ADGRL1: variants seen among roughly 807,000 people sequenced by gnomAD.
ADGRL1 encodes adhesion G protein-coupled receptor L1, also known as CIRL-1.
Under a neutral mutation model 148.9 loss-of-function variants are expected in ADGRL1, and 31 were observed. The observed-to-expected ratio is 0.21, with a 90% CI of 0.16 to 0.28. The LOEUF (loss-of-function observed/expected upper bound fraction) is 0.28. Among genes scored for constraint, ADGRL1 ranks in the 10% least tolerant of loss-of-function variants. ADGRL1 has a pLI of 1.00. For missense variants in ADGRL1, 1,521 were observed against 2,058.8 expected, an observed-to-expected ratio of 0.74 and a Z score of 5.05; for synonymous variants, 937 against 900.3, an observed-to-expected ratio of 1.04 and a Z score of -0.73.
chr19:14,162,165 AAAG>A lies in ADGRL1; in HGVS notation c.1195+438_1195+440del, dbSNP rs1969465091. Among the ~76,000 whole-genome samples the A allele has an allele frequency of 6.6e-6, 1 of 152,150 alleles. No individual in the cohort carries two copies. The highest frequency in any genetic ancestry group is 2.4e-5 in the African/African-American group (1 of 41,436). Reference sequence around the variant, plus strand: ...GCTAGCAGGGCAGCTAGGCGGGGCAAAAGAAGACTGCAGAGTTGCCCTCAGCCC... The same window carrying A: ...GCTAGCAGGGCAGCTAGGCGGGGCAAAAGACTGCAGAGTTGCCCTCAGCCC... On this transcript the variant is annotated intron_variant, in intron 5 of 22. Transcript: ENST00000361434. This position sits in a 1 kb window ranked among gnomAD's most constrained non-coding sequence, Gnocchi z 5.4.
chr19:14,200,737 G>C (rs1167907886), intron 1 of ADGRL1, among the ~76,000 whole-genome samples: 1 of 151,504 alleles, frequency 6.6e-6, no homozygotes, highest in Admixed American at 6.6e-5. Context: ...TCAGCCTCCC[G>C]GGTAGCTGGG....
rs1481678253 is a variant in ADGRL1, at chr19:14,155,189, G to A, written c.3294+170C>T. The A allele has an allele frequency of 2.9e-6, 2 of 690,994 alleles. No homozygotes were observed. Among genetic ancestry groups the A allele is most frequent in the Non-Finnish European group, 4.8e-6 (2 of 419,262 alleles). The allele number at this position is 690,994 out of a possible 1,614,324, so 42.8% of individuals were successfully genotyped here. A position where few individuals can be genotyped will look rare whatever the true frequency, so the allele number is the denominator to read the frequency against. On this transcript the variant is annotated intron_variant, in intron 18 of 22. Coordinates refer to ENST00000361434, the MANE Select transcript of ADGRL1 (RefSeq NM_014921.5). The surrounding 1 kb of genome is among the most constrained non-coding windows in gnomAD (Gnocchi z 5.0). ...CCGTGGTTAAACCCTCCCTAACCCTGAGCTCGTGCTCCCCTCCCGGTGGAC... is the reference window on the plus strand; with the variant it reads ...CCGTGGTTAAACCCTCCCTAACCCTAAGCTCGTGCTCCCCTCCCGGTGGAC...
rs576856623 is a variant in ADGRL1, at chr19:14,155,409, C to A, written c.3244G>T (p.Ala1082Ser). ...ACGAAGATGAAGACCCCCTGGAAGG[C>A]GTTGAAGGTGGTGAAGAGATAGGCC... is the stretch of plus-strand genomic sequence containing the variant. ...VMAYLFTTFN[A>S]FQGVFIFVFH... Residue 1082 changes from alanine to serine, a missense_variant, in exon 18 of 23, where the codon GCC (alanine) becomes TCC (serine). Transcript: ENST00000361434. This position sits in a 1 kb window ranked among gnomAD's most constrained non-coding sequence, Gnocchi z 5.0. The A allele has an allele frequency of 6.2e-7, 1 of 1,614,156 alleles. No homozygotes were observed.
rs1191169113 is a variant in ADGRL1 at position 14,151,099 on chromosome 19, C to T, written c.4184G>A (p.Ser1395Asn). 1 of 1,536,688 alleles carries T rather than the reference C, an allele frequency of 6.5e-7. No homozygotes were observed. Among genetic ancestry groups the T allele is most frequent in the Non-Finnish European group, 8.7e-7 (1 of 1,142,976 alleles). Reference sequence around the variant, plus strand: ...GGCCTCACTGGGCCCCTCAGGGCTGCTGTCCGGGTAGGAGGGTGAGTCCCG... The same window carrying T: ...GGCCTCACTGGGCCCCTCAGGGCTGTTGTCCGGGTAGGAGGGTGAGTCCCG... ...NLRDSPSYPD[S>N]SPEGPSEALP... Residue 1395 changes from serine to asparagine, a missense_variant, in exon 23 of 23, where the codon AGC becomes AAC. Physicochemically the swap from Ser to Asn is conservative, Grantham distance 46. Coordinates refer to ENST00000361434, the MANE Select transcript of ADGRL1 (RefSeq NM_014921.5).
At chr19:14,205,002 C>G (rs1972889903) in intron 1 of ADGRL1, among the ~76,000 whole-genome samples, 2 of 151,968 alleles carry the variant, frequency 1.3e-5, no homozygotes, top group South Asian at 2.1e-4. Context: ...GAGGTGTTGG[C>G]CAGGGATGGG....
rs767944528 is a variant in ADGRL1, at chr19:14,157,241, C to A, written c.2745+10G>T. The A allele has an allele frequency of 8.1e-6, 13 of 1,613,904 alleles. No homozygotes were observed. Among genetic ancestry groups the A allele is most frequent in the Non-Finnish European group, 3.4e-6 (4 of 1,180,016 alleles). On this transcript the variant is annotated intron_variant, in intron 14 of 22. Transcript: ENST00000361434. This position sits in a 1 kb window ranked among gnomAD's most constrained non-coding sequence, Gnocchi z 7.5. ...CGCTGGCCGTCACCTGCCCTAGAGT[C>A]CCAGCCCACCTCATACTGAGTCTTG...
At chr19:14,178,866 A>G (rs1970998651) in intron 2 of ADGRL1, among the ~76,000 whole-genome samples, 1 of 152,108 alleles carries the variant, frequency 6.6e-6, no homozygotes, top group East Asian at 1.9e-4. Flanking sequence ...GTGAAGACAC[A>G]GGAGCAGGCG....
intron 3 of ADGRL1, among the ~76,000 whole-genome samples, chr19:14,176,101 C>T (rs1970807100): frequency 6.6e-6 from 1 of 151,792 alleles, no homozygotes; most frequent in African/African-American, 2.4e-5. Flanking sequence ...CCTGTAGTCC[C>T]AGCACTTTGG....
intron 1 of ADGRL1, among the ~76,000 whole-genome samples, chr19:14,184,364 T>G (rs915301880): frequency 2.7e-5 from 4 of 150,790 alleles, no homozygotes; most frequent in African/African-American, 9.7e-5. Flanking sequence ...AATTGTGTGC[T>G]GTCCCCTGCC....
chr19:14,173,497 G>A (rs1459258697), intron 3 of ADGRL1, among the ~76,000 whole-genome samples: 1 of 152,182 alleles, frequency 6.6e-6, no homozygotes, highest in Non-Finnish European at 1.5e-5. Context: ...GGCATCCACT[G>A]GGGTTCTTGG....
rs1969171379 is a variant in ADGRL1 at position 14,159,943 on chromosome 19, G to A, written c.1800+169C>T. Among the ~76,000 whole-genome samples, 1 of 152,160 alleles carries A rather than the reference G, an allele frequency of 6.6e-6. No homozygotes were observed. Among genetic ancestry groups the A allele is most frequent in the South Asian group, 2.1e-4 (1 of 4,828 alleles). ...CCAACCCCCAGGACCATCCGGGGCA[G>A]CACAGGAGTGAGACCCGGCAGTCCT... is the stretch of plus-strand genomic sequence containing the variant. On this transcript the variant is annotated intron_variant, in intron 8 of 22. Coordinates refer to ENST00000361434, the MANE Select transcript of ADGRL1 (RefSeq NM_014921.5). This position sits in a 1 kb window ranked among gnomAD's most constrained non-coding sequence, Gnocchi z 6.0.
chr19:14,181,349 C>T (rs774661216), intron 2 of ADGRL1, among the ~76,000 whole-genome samples: 4 of 152,230 alleles, frequency 2.6e-5, no homozygotes, highest in Non-Finnish European at 5.9e-5. Context: ...ACTCGGCCTG[C>T]TGGATCAAAA....
At chr19:14,192,723 G>A (rs982044640) in intron 1 of ADGRL1, among the ~76,000 whole-genome samples, 13 of 151,888 alleles carry the variant, frequency 8.6e-5, no homozygotes, top group Non-Finnish European at 1.8e-4. Flanking sequence ...GCTAATTTTC[G>A]TATTTTTAGT....
At position 14,163,471 on chromosome 19, in the gene ADGRL1, A is replaced by G. The variant is rs1289977490; in HGVS notation, c.395-65T>C. On this transcript the variant is annotated intron_variant, in intron 4 of 22. Coordinates refer to ENST00000361434, the MANE Select transcript of ADGRL1 (RefSeq NM_014921.5). ...GGGGCAGAGGCGAGAGGGAGGAGAG[A>G]GAGAGAGAGAGAGAGAGAGAGAGAG... 144 of 672,918 alleles carry G rather than the reference A, an allele frequency of 2.1e-4. 1 individual carries two copies. Among genetic ancestry groups the G allele is most frequent in the Non-Finnish European group, 2.8e-4 (130 of 463,234 alleles). 41.7% of individuals were successfully genotyped at this position (672,918 alleles called of 1,614,324 possible).
In ADGRL1 at chr19:14,162,502, A is replaced by C; in HGVS notation, c.1195+104T>G. The C allele has an allele frequency of 1.0e-6, 1 of 996,430 alleles. No homozygotes were observed. The highest frequency in any genetic ancestry group is 1.5e-5 in the South Asian group (1 of 65,462). The allele number at this position is 996,430 out of a possible 1,614,324, so 61.7% of individuals were successfully genotyped here. ...GAATTTCCTTTACCTCCCGATCCCC[A>C]AGAGCTCACAGGATGGGGCTCCCCA... On this transcript the variant is annotated intron_variant, in intron 5 of 22. Transcript: ENST00000361434. This position sits in a 1 kb window ranked among gnomAD's most constrained non-coding sequence, Gnocchi z 5.4.
chr19:14,203,441 G>C (rs1972749455), intron 1 of ADGRL1, among the ~76,000 whole-genome samples: 1 of 152,118 alleles, frequency 6.6e-6, no homozygotes, highest in South Asian at 2.1e-4. Flanking sequence ...TGGGGCTGAA[G>C]CAACACATGC....
At chr19:14,195,295 G>A (rs1164000096) in intron 1 of ADGRL1, among the ~76,000 whole-genome samples, 1 of 152,156 alleles carries the variant, frequency 6.6e-6, no homozygotes, top group Non-Finnish European at 1.5e-5. Context: ...GTGCGGCAGG[G>A]TGGGCCACTG....
intron 1 of ADGRL1, among the ~76,000 whole-genome samples, chr19:14,197,909 G>C (rs1336485267): frequency 6.6e-6 from 1 of 152,164 alleles, no homozygotes; most frequent in East Asian, 1.9e-4. Context: ...TTCCCAACTG[G>C]TCACAAGTGC....
intron 3 of ADGRL1, chr19:14,171,054 C>G: frequency 2.5e-6 from 1 of 395,810 alleles, no homozygotes; most frequent in Non-Finnish European, 4.8e-6. Flanking sequence ...TCACCATCCC[C>G]TCCGTGCTGT....
Sources: gnomAD v4.1 joint callset for allele counts (sites outside exome capture counted in the v4.1 genomes callset) on GRCh38, gnomAD v4.1.1 for gene constraint, Gnocchi (gnomAD v3.1) non-coding constraint, MANE v1.5 for transcripts, NCBI Gene and HGNC (gene_info 2026-07-23, HGNC 2026-07-21) for gene names.